Variants in PCCA observed in about 807,000 individuals in gnomAD.
PCCA encodes propionyl-CoA carboxylase alpha chain, mitochondrial.
Under a neutral mutation model 101.3 loss-of-function variants are expected in PCCA, and 74 were observed. The ratio of observed to expected loss-of-function variants is 0.73; its 90% CI spans 0.61 to 0.89. The LOEUF is 0.89. PCCA is among the 40% of genes least tolerant of loss of function. PCCA has a pLI of 0.00. For synonymous variants in PCCA, 294 were observed against 313.6 expected (o/e 0.94, Z 0.66); for missense variants, 891 against 907.0 (o/e 0.98, Z 0.23).
chr13:100,417,090 G>A (rs1424245882), intron 19 of PCCA, among the ~76,000 whole-genome samples: 1 of 152,018 alleles, frequency 6.6e-6, no homozygotes, highest in Non-Finnish European at 1.5e-5. Flanking sequence ...TGATCCCCCC[G>A]CCTTGGCCTC....
chr13:100,435,332 T>C (rs2079850025), intron 20 of PCCA, among the ~76,000 whole-genome samples: 1 of 152,150 alleles, frequency 6.6e-6, no homozygotes, highest in Admixed American at 6.5e-5. Flanking sequence ...GATCTACCTC[T>C]GTGATCCAAA....
chr13:100,268,641 C>A, intron 10 of PCCA, 48 bp from the exon 11 acceptor site: 1 of 1,311,758 alleles, frequency 7.6e-7, no homozygotes, highest in Non-Finnish European at 1.1e-6. Context: ...CCATCATCTA[C>A]TTTGTGGGTG....
intron 20 of PCCA, among the ~76,000 whole-genome samples, chr13:100,436,609 C>T (rs2079956629): frequency 6.6e-6 from 1 of 152,210 alleles, no homozygotes; most frequent in South Asian, 2.1e-4. Flanking sequence ...TGCCTCCAGA[C>T]CCTATTCTCC....
chr13:100,410,809 G>A (rs1034596665), intron 19 of PCCA, among the ~76,000 whole-genome samples: 1 of 151,424 alleles, frequency 6.6e-6, no homozygotes, highest in African/African-American at 2.4e-5. Flanking sequence ...TTGCATTAGT[G>A]TCAAATCGGT....
At chr13:100,097,684 A>G (rs997412173) in intron 1 of PCCA, among the ~76,000 whole-genome samples, 2 of 152,164 alleles carry the variant, frequency 1.3e-5, no homozygotes, top group African/African-American at 4.8e-5. Context: ...GCACCACTGC[A>G]CTCCAGCCTG....
intron 21 of PCCA, among the ~76,000 whole-genome samples, chr13:100,456,446 AAGACAAAG>A (rs1319841521): frequency 2.0e-5 from 3 of 152,176 alleles, no homozygotes; most frequent in African/African-American, 7.2e-5. Flanking sequence ...ATAAAGACAC[AAGACAAAG>A]AGATAAAGAG....
chr13:100,392,860 C>G (rs938515588), intron 19 of PCCA, among the ~76,000 whole-genome samples: 3 of 152,118 alleles, frequency 2.0e-5, no homozygotes, highest in African/African-American at 7.2e-5. Context: ...TAGGGCAACT[C>G]CTCACTTAAC....
intron 4 of PCCA, among the ~76,000 whole-genome samples, chr13:100,117,977 G>A (rs1051615591): frequency 2.0e-5 from 3 of 151,832 alleles, no homozygotes; most frequent in South Asian, 2.1e-4. Context: ...TTAGCCAGGC[G>A]TGGTGGCAGG....
chr13:100,245,258 CTTGT>C (rs2061370558), intron 8 of PCCA, among the ~76,000 whole-genome samples: 1 of 151,958 alleles, frequency 6.6e-6, no homozygotes, highest in Admixed American at 6.6e-5. Flanking sequence ...AAACTGTTTC[CTTGT>C]TTGTATCTAC....
intron 21 of PCCA, among the ~76,000 whole-genome samples, chr13:100,469,919 A>C (rs2082864083): frequency 6.6e-6 from 1 of 152,244 alleles, no homozygotes; most frequent in Admixed American, 6.5e-5. Context: ...TGCTGCATGT[A>C]ATGGGATCTT....
chr13:100,326,739 C>T (rs900142331), intron 16 of PCCA, among the ~76,000 whole-genome samples: 1 of 151,954 alleles, frequency 6.6e-6, no homozygotes, highest in East Asian at 1.9e-4. Context: ...TATGATGATC[C>T]ACTTCCACTT....
At position 100,292,959 on chromosome 13, in the gene PCCA, G is replaced by GTGTGTC. The variant is rs747095100; in HGVS notation, c.1066-8500_1066-8499insGTGTCT. On this transcript the variant is annotated intron_variant, in intron 12 of 23. Transcript: ENST00000376285. ...CGTGTGTGTGTGTGTGTGTGTGTGT[G>GTGTGTC]TCTGTTTGTGTGTGTGTAATTAATA... Among the ~76,000 whole-genome samples the GTGTGTC allele has an allele frequency of 5.9e-5, 9 of 151,838 alleles. 1 individual carries two copies. In the South Asian group the frequency reaches 1.9e-3, roughly 32 times the overall value.
intron 20 of PCCA, among the ~76,000 whole-genome samples, chr13:100,446,199 G>A (rs2080818726): frequency 1.3e-5 from 2 of 151,972 alleles, no homozygotes; most frequent in Non-Finnish European, 1.5e-5. Flanking sequence ...CACCACGCCC[G>A]GCTACTTTTT....
At chr13:100,187,032 A>G (rs1184165478) in intron 6 of PCCA, among the ~76,000 whole-genome samples, 1 of 152,184 alleles carries the variant, frequency 6.6e-6, no homozygotes, top group African/African-American at 2.4e-5. Flanking sequence ...TAGATTTGTA[A>G]AATTCCTAGT....
intron 4 of PCCA, 63 bp downstream of exon 4, chr13:100,112,124 A>T (rs1051408628): frequency 1.2e-5 from 14 of 1,147,046 alleles, no homozygotes; most frequent in Non-Finnish European, 1.7e-5. Context: ...AAAAAGTGAG[A>T]CATACAGGCT....
intron 22 of PCCA, among the ~76,000 whole-genome samples, chr13:100,517,046 C>CGTGTGTGTGTGTGTGTGTGTGT (rs3840814): frequency 1.5e-5 from 2 of 132,988 alleles, no homozygotes; most frequent in African/African-American, 5.7e-5. Context: ...ATTATAAAAT[C>CGTGTGTGTGTGTGTGTGTGTGT]GTGTGTGTGT....
chr13:100,251,030 C>T (rs187408346), intron 8 of PCCA, among the ~76,000 whole-genome samples: 6 of 152,198 alleles, frequency 3.9e-5, no homozygotes, highest in Non-Finnish European at 7.4e-5. Context: ...GAAAATTTCA[C>T]TGACCACTAT....
chr13:100,125,305 A>G (rs532049662), intron 4 of PCCA, among the ~76,000 whole-genome samples: 1 of 152,300 alleles, frequency 6.6e-6, no homozygotes, highest in African/African-American at 2.4e-5. Context: ...TTAGGTTGCA[A>G]TAGGAAATCT....
intron 8 of PCCA, among the ~76,000 whole-genome samples, chr13:100,252,672 A>T (rs1011708158): frequency 6.6e-6 from 1 of 152,178 alleles, no homozygotes; most frequent in African/African-American, 2.4e-5. Flanking sequence ...GTCAAAAAAG[A>T]TAATTCTTTT....
Sources: gnomAD v4.1 joint callset for allele counts (sites outside exome capture counted in the v4.1 genomes callset) on GRCh38, gnomAD v4.1.1 for gene constraint, MANE v1.5 for transcripts, NCBI Gene and HGNC (gene_info 2026-07-23, HGNC 2026-07-21) for gene names.